Variants in STAU2 observed in about 807,000 individuals in gnomAD.
STAU2 encodes the protein staufen double-stranded RNA binding protein 2, also known as double-stranded RNA-binding protein Staufen homolog 2.
STAU2 carries 20 observed loss-of-function variants against 65.9 expected under a neutral mutation model. The ratio of observed to expected loss-of-function variants is 0.30; its 90% CI spans 0.21 to 0.44. The LOEUF (loss-of-function observed/expected upper bound fraction) is 0.44. STAU2 is among the 20% of genes least tolerant of loss of function. The pLI, the probability that STAU2 is intolerant of heterozygous loss-of-function variation, is 1.00. For synonymous variants in STAU2, 232 were observed against 233.9 expected (o/e 0.99, Z 0.07); for missense variants, 558 against 683.9 (o/e 0.82, Z 2.05).
intron 1 of STAU2, among the ~76,000 whole-genome samples, chr8:73,744,944 T>C (rs1057038757): frequency 1.3e-5 from 2 of 152,254 alleles, no homozygotes; most frequent in Non-Finnish European, 2.9e-5. Context: ...GCATTTTATT[T>C]GAAATTAACA....
At position 73,422,700 on chromosome 8, in the gene STAU2, T is replaced by C; in HGVS notation, c.1533A>G (p.Ala511=). The part of the protein sequence containing the change: ...EYLARIQGFQ[A]ALSALKQFSE... Reference sequence around the variant, plus strand: ...AAAATTGTTTCAAGGCACTTAAGGCTGCCTAAAAATGAAAACAAACAGAGA... The same window carrying C: ...AAAATTGTTTCAAGGCACTTAAGGCCGCCTAAAAATGAAAACAAACAGAGA... Residue 511 remains alanine, a splice_region_variant and synonymous_variant, in exon 14 of 15, where the codon GCA becomes GCG. Coordinates refer to ENST00000524300, the MANE Select transcript of STAU2 (RefSeq NM_001164380.2). 1 of 1,467,790 alleles carries C rather than the reference T, an allele frequency of 6.8e-7. No individual in the cohort carries two copies. The highest frequency in any genetic ancestry group is 2.7e-5 in the Admixed American group (1 of 36,584). 90.9% of individuals were successfully genotyped at this position (1,467,790 alleles called of 1,614,324 possible). A position where few individuals can be genotyped will look rare whatever the true frequency, so the allele number is the denominator to read the frequency against.
At chr8:73,528,160 T>C (rs1805568177) in intron 13 of STAU2, among the ~76,000 whole-genome samples, 2 of 152,196 alleles carry the variant, frequency 1.3e-5, no homozygotes, top group South Asian at 2.1e-4. Flanking sequence ...AATGTAACTT[T>C]GTCAACCTGA....
At chr8:73,680,879 G>C (rs1818378013) in intron 5 of STAU2, among the ~76,000 whole-genome samples, 1 of 151,762 alleles carries the variant, frequency 6.6e-6, no homozygotes, top group Non-Finnish European at 1.5e-5. Flanking sequence ...AGAGCTCAAA[G>C]ACAAGGCCTA....
intron 13 of STAU2, among the ~76,000 whole-genome samples, chr8:73,463,822 G>A (rs892870951): frequency 5.3e-5 from 8 of 152,162 alleles, no homozygotes; most frequent in African/African-American, 1.4e-4. Flanking sequence ...TGCAGGACGA[G>A]ATAAGGACAG....
intron 12 of STAU2, among the ~76,000 whole-genome samples, chr8:73,553,655 T>C (rs1807505082): frequency 6.6e-6 from 1 of 152,104 alleles, no homozygotes; most frequent in South Asian, 2.1e-4. Context: ...AACTCTCCTC[T>C]GACTCAGTCA....
At chr8:73,671,502 A>C (rs1367006040) in intron 6 of STAU2, among the ~76,000 whole-genome samples, 1 of 152,196 alleles carries the variant, frequency 6.6e-6, no homozygotes. Context: ...TACTGTAAGA[A>C]ATTAGTACAA....
chr8:73,589,141 G>T (rs1402654757), intron 11 of STAU2, among the ~76,000 whole-genome samples: 3 of 152,074 alleles, frequency 2.0e-5, no homozygotes, highest in Non-Finnish European at 4.4e-5. Flanking sequence ...ACTATTGAAG[G>T]AATTTGTAGT....
chr8:73,568,056 C>T (rs945792178), intron 12 of STAU2, among the ~76,000 whole-genome samples: 6 of 152,290 alleles, frequency 3.9e-5, no homozygotes, highest in South Asian at 2.1e-4. Context: ...AAACTATCTG[C>T]ACTGCCTTCC....
At chr8:73,618,504 G>A (rs1224063229) in intron 6 of STAU2, among the ~76,000 whole-genome samples, 5 of 152,192 alleles carry the variant, frequency 3.3e-5, no homozygotes, top group Non-Finnish European at 7.3e-5. Flanking sequence ...AAAGTTTAGG[G>A]AGACAGGAAA....
At chr8:73,674,771 A>G (rs1817923063) in intron 5 of STAU2, among the ~76,000 whole-genome samples, 1 of 151,502 alleles carries the variant, frequency 6.6e-6, no homozygotes, top group African/African-American at 2.4e-5. Flanking sequence ...TTTTTAGCAT[A>G]AAGAGACACA....
chr8:73,420,434 G>A lies in STAU2; in HGVS notation c.*938C>T, dbSNP rs904168750. The A allele has an allele frequency of 1.4e-5, 4 of 292,766 alleles. No homozygotes were observed. Among genetic ancestry groups the A allele is most frequent in the Non-Finnish European group, 2.8e-5 (4 of 144,456 alleles). 18.1% of individuals were successfully genotyped at this position (292,766 alleles called of 1,614,324 possible). A position where few individuals can be genotyped will look rare whatever the true frequency, so the allele number is the denominator to read the frequency against. Reference sequence around the variant, plus strand: ...ACGCTGGATTCCAACATGCTGGCCCGGAGCGTGGCTGGCTGGAAGCAACTC... The same window carrying A: ...ACGCTGGATTCCAACATGCTGGCCCAGAGCGTGGCTGGCTGGAAGCAACTC... On this transcript the variant is annotated 3_prime_UTR_variant, in exon 15 of 15. Coordinates refer to ENST00000524300, the MANE Select transcript of STAU2 (RefSeq NM_001164380.2).
intron 6 of STAU2, among the ~76,000 whole-genome samples, chr8:73,625,946 G>A (rs919253748): frequency 3.3e-5 from 5 of 151,980 alleles, no homozygotes; most frequent in African/African-American, 1.2e-4. Flanking sequence ...TAATTGCTAG[G>A]GGGGTATGTG....
At chr8:73,683,241 CA>C in intron 5 of STAU2, among the ~76,000 whole-genome samples, 1 of 152,238 alleles carries the variant, frequency 6.6e-6, no homozygotes, top group East Asian at 1.9e-4. Context: ...CTGAATCCAA[CA>C]GCGTATCGAA....
intron 12 of STAU2, among the ~76,000 whole-genome samples, chr8:73,570,330 G>A (rs961512092): frequency 2.0e-5 from 3 of 152,172 alleles, no homozygotes; most frequent in Admixed American, 6.5e-5. Flanking sequence ...CCAAATCTAC[G>A]TCTGATTGGT....
intron 6 of STAU2, among the ~76,000 whole-genome samples, chr8:73,641,622 T>C (rs1326305809): frequency 6.6e-6 from 1 of 152,220 alleles, no homozygotes; most frequent in African/African-American, 2.4e-5. Flanking sequence ...CTACACATTA[T>C]ATACATCTCT....
chr8:73,727,530 T>C (rs964225976), intron 3 of STAU2, among the ~76,000 whole-genome samples: 2 of 152,278 alleles, frequency 1.3e-5, no homozygotes, highest in African/African-American at 4.8e-5. Flanking sequence ...TTCATCTGCA[T>C]CGTAGCATGT....
At chr8:73,688,527 TGTGTAG>T (rs1454782548) in intron 5 of STAU2, 121 bp downstream of exon 5, 16 of 749,638 alleles carry the variant, frequency 2.1e-5, no homozygotes, top group Non-Finnish European at 3.3e-5. Context: ...TGTGTGTGTG[TGTGTAG>T]GTATGGGCAT....
At chr8:73,551,654 T>C (rs1303252142) in intron 13 of STAU2, 1 of 1,000,292 alleles carries the variant, frequency 1.0e-6, no homozygotes, top group Non-Finnish European at 1.2e-6. Flanking sequence ...GAGTGTGAAA[T>C]ACTAACACCA....
chr8:73,567,722 GTA>G (rs1808722886), intron 12 of STAU2, among the ~76,000 whole-genome samples: 1 of 151,834 alleles, frequency 6.6e-6, no homozygotes, highest in African/African-American at 2.4e-5. Flanking sequence ...GCAAATTTTT[GTA>G]TTTTTAGCAG....
Sources: allele counts gnomAD v4.1 joint callset (sites outside exome capture counted in the v4.1 genomes callset), GRCh38; gene constraint gnomAD v4.1.1; transcripts MANE v1.5; gene names NCBI Gene and HGNC (gene_info 2026-07-23, HGNC 2026-07-21).